RPL18: variants seen among roughly 807,000 people sequenced by gnomAD.
The protein encoded by RPL18 is ribosomal protein L18, also known as large ribosomal subunit protein eL18.
Under a neutral mutation model 25.0 loss-of-function variants are expected in RPL18, and 4 were observed. That is an observed-to-expected ratio of 0.16 (90% CI 0.08 to 0.37). The LOEUF (loss-of-function observed/expected upper bound fraction) is 0.37. Ranked by LOEUF, RPL18 falls within the 10% of genes least tolerant of loss-of-function variation. The pLI is 1.00. For missense variants in RPL18, 179 were observed against 267.9 expected, an observed-to-expected ratio of 0.67 and a Z score of 2.32; for synonymous variants, 129 against 101.6, an observed-to-expected ratio of 1.27 and a Z score of -1.62.
intron 1 of RPL18, chr19:48,618,665 G>A: frequency 5.0e-6 from 1 of 198,616 alleles, no homozygotes; most frequent in Non-Finnish European, 1.1e-5. Flanking sequence ...CCAGACACTG[G>A]GGCAAAGGCT....
intron 2 of RPL18, 67 bp from the exon 3 acceptor site, chr19:48,617,490 G>T: frequency 8.9e-7 from 1 of 1,119,354 alleles, no homozygotes; most frequent in Non-Finnish European, 1.4e-6. Context: ...CAGTGAAGGG[G>T]CAAACACATG....
At chr19:48,616,341 G>T in intron 4 of RPL18, 139 bp from the exon 5 acceptor site, 1 of 1,011,816 alleles carries the variant, frequency 9.9e-7, no homozygotes, top group Non-Finnish European at 1.4e-6. Context: ...ACCCTGGGCT[G>T]ACAGCAGCAG....
chr19:48,617,059 G>C (rs1390120638), intron 3 of RPL18: 2 of 702,600 alleles, frequency 2.8e-6, no homozygotes, highest in Non-Finnish European at 5.2e-6. Context: ...ATAAAACTCA[G>C]TTATGACTTG....
intron 2 of RPL18, 160 bp from the exon 3 acceptor site, chr19:48,617,583 C>A: frequency 1.4e-6 from 1 of 699,574 alleles, no homozygotes; most frequent in Non-Finnish European, 2.4e-6. Flanking sequence ...TCCTTCCTGG[C>A]CAAGGACCTA....
intron 2 of RPL18, 124 bp downstream of exon 2, chr19:48,617,667 A>C (rs1275576888): frequency 1.3e-6 from 1 of 760,096 alleles, no homozygotes; most frequent in African/African-American, 1.8e-5. Context: ...ACCCTGGAAC[A>C]GAACCAGAGA....
In RPL18 at chr19:48,617,076, T is replaced by C. The variant is rs535375804; in HGVS notation, c.198+240A>G. The C allele has an allele frequency of 2.3e-5, 16 of 703,006 alleles. No individual in the cohort carries two copies. In the South Asian group the frequency reaches 2.4e-4, roughly 10 times the overall value. The allele number at this position is 703,006 out of a possible 1,614,324, so 43.5% of individuals were successfully genotyped here. On this transcript the variant is annotated intron_variant, in intron 3 of 6. Coordinates refer to ENST00000549920, the MANE Select transcript of RPL18 (RefSeq NM_000979.4). The stretch of plus-strand genomic sequence containing the variant: ...AAAACTCAGTTATGACTTGGGGCAA[T>C]CTCCTGAAGCCACCAGGACACCTCC...
chr19:48,615,659 GTGAA>G (rs1974144517), intron 6 of RPL18: 1 of 643,868 alleles, frequency 1.6e-6, no homozygotes, highest in African/African-American at 1.8e-5. Flanking sequence ...GCAAAGGCCG[GTGAA>G]CTGCATGCTC....
At position 48,615,799 on chromosome 19, in the gene RPL18, A is replaced by G. The variant is rs1388474561; in HGVS notation, c.491+78T>C. On this transcript the variant is annotated intron_variant, in intron 6 of 6. Transcript: ENST00000549920. ...GGCTGGCTGGTACGAGGGATAGGAG[A>G]AGCAGCCCAAGTGTGGCCAGGCCTG... is the stretch of plus-strand genomic sequence containing the variant. 16 of 1,301,474 alleles carry G rather than the reference A, an allele frequency of 1.2e-5. 1 individual carries two copies. The highest frequency in any genetic ancestry group is 1.5e-5 in the Non-Finnish European group (14 of 921,566). 80.6% of individuals were successfully genotyped at this position (1,301,474 alleles called of 1,614,324 possible).
At position 48,615,417 on chromosome 19, in the gene RPL18, G is replaced by T; in HGVS notation, c.522C>A (p.Phe174Leu). 1 of 1,613,134 alleles carries T rather than the reference G, an allele frequency of 6.2e-7. No homozygotes were observed. The highest frequency in any genetic ancestry group is 8.5e-7 in the Non-Finnish European group (1 of 1,179,554). Residue 174 changes from phenylalanine to leucine, a missense_variant, in exon 7 of 7, where the codon TTC becomes TTA. By Grantham distance (22) the Phe-to-Leu change is conservative. Coordinates refer to ENST00000549920, the MANE Select transcript of RPL18 (RefSeq NM_000979.4). The part of the protein sequence containing the change: ...KPYVRSKGRK[F>L]ERARGRRASR... ...TGGCCCGTCGGCCTCTGGCACGCTC[G>T]AACTTCCGGCCCTTGGAGCGGACGT...
At chr19:48,618,654 G>A (rs1237679083) in intron 1 of RPL18, 2 of 196,092 alleles carry the variant, frequency 1.0e-5, no homozygotes, top group Middle Eastern at 2.3e-3. Context: ...CCAACGAACA[G>A]CCAGACACTG....
intron 1 of RPL18, 96 bp downstream of exon 1, chr19:48,619,045 C>T: frequency 7.4e-7 from 1 of 1,352,974 alleles, no homozygotes; most frequent in Non-Finnish European, 1.0e-6. Flanking sequence ...TCCGGGCAGC[C>T]GCAGACCCCC....
chr19:48,617,663 G>T, intron 2 of RPL18, 128 bp downstream of exon 2: 1 of 749,260 alleles, frequency 1.3e-6, no homozygotes. Context: ...GGAGACCCTG[G>T]AACAGAACCA....
At chr19:48,618,596 T>A (rs1382442162) in intron 1 of RPL18, 1 of 162,778 alleles carries the variant, frequency 6.1e-6, no homozygotes, top group African/African-American at 2.4e-5. Flanking sequence ...CTCCTGTGAA[T>A]TATTTCTTCC....
intron 6 of RPL18, 169 bp from the exon 7 acceptor site, chr19:48,615,616 G>A: frequency 1.5e-6 from 1 of 668,428 alleles, no homozygotes; most frequent in Non-Finnish European, 2.6e-6. Flanking sequence ...GGAAGCACCT[G>A]CCCCACCACC....
At position 48,615,424 on chromosome 19, in the gene RPL18, C is replaced by T. The variant is rs1974137644; in HGVS notation, c.515G>A (p.Arg172Gln). The T allele has an allele frequency of 6.2e-7, 1 of 1,613,122 alleles. No individual in the cohort carries two copies. Among genetic ancestry groups the T allele is most frequent in the South Asian group, 1.1e-5 (1 of 90,744 alleles). Residue 172 changes from arginine to glutamine, a missense_variant, in exon 7 of 7, where the codon CGG becomes CAG. Coordinates refer to ENST00000549920, the MANE Select transcript of RPL18 (RefSeq NM_000979.4). ...TCGGCCTCTGGCACGCTCGAACTTC[C>T]GGCCCTTGGAGCGGACGTAGGGTCT... Reference protein sequence around the residue: ...HTKPYVRSKGRKFERARGRRA... With the variant: ...HTKPYVRSKGQKFERARGRRA...
At chr19:48,615,543 GGA>G (rs1974142096) in intron 6 of RPL18, 96 bp from the exon 7 acceptor site, 3 of 983,798 alleles carry the variant, frequency 3.0e-6, no homozygotes, top group Admixed American at 2.1e-5. Context: ...TTCAGCCCCA[GGA>G]GAGTCAATGC....
chr19:48,615,598 G>T, intron 6 of RPL18, 151 bp from the exon 7 acceptor site: 1 of 723,190 alleles, frequency 1.4e-6, no homozygotes, highest in Non-Finnish European at 2.3e-6. Context: ...GGAGCCAGGA[G>T]GGGCTATGGA....
intron 3 of RPL18, 46 bp from the exon 4 acceptor site, chr19:48,616,870 A>G (rs1461149948): frequency 2.0e-6 from 3 of 1,463,822 alleles, no homozygotes; most frequent in Middle Eastern, 2.1e-4. Flanking sequence ...TGGTGTTTAC[A>G]TTCAGCCCCG....
chr19:48,615,709 G>A (rs1974145694), intron 6 of RPL18, 168 bp downstream of exon 6: 1 of 691,640 alleles, frequency 1.4e-6, no homozygotes, highest in Non-Finnish European at 2.5e-6. Flanking sequence ...GGAAAACACA[G>A]CTCCAAGCAG....
Sources: gnomAD v4.1 joint callset for allele counts on GRCh38, gnomAD v4.1.1 for gene constraint, MANE v1.5 for transcripts, NCBI Gene and HGNC (gene_info 2026-07-23, HGNC 2026-07-21) for gene names.